The following HNRNPA1 variants were observed in gnomAD, a reference collection of about 807,000 sequenced individuals.
HNRNPA1 encodes the protein heterogeneous nuclear ribonucleoprotein A1.
HNRNPA1 carries 7 observed loss-of-function variants against 44.4 expected under a neutral mutation model. The observed-to-expected ratio is 0.16, with a 90% CI of 0.09 to 0.30. The LOEUF is 0.30. Among genes scored for constraint, HNRNPA1 ranks in the 10% least tolerant of loss-of-function variants. HNRNPA1 has a pLI of 1.00. For missense variants in HNRNPA1, 193 were observed against 465.8 expected (o/e 0.41, Z 5.39); for synonymous variants, 169 against 160.6 (o/e 1.05, Z -0.40).
At chr12:54,281,711 GTT>G in intron 2 of HNRNPA1, 82 bp from the exon 3 acceptor site, 4 of 1,403,490 alleles carry the variant, frequency 2.9e-6, no homozygotes, top group Non-Finnish European at 3.9e-6. Context: ...CTGGTGTAAA[GTT>G]TCCTATTGCC....
rs1484073020 is a variant in HNRNPA1, at chr12:54,286,932, A to C, written c.*2388A>C. The C allele has an allele frequency of 6.6e-6, 1 of 152,194 alleles. No homozygotes were observed. Among genetic ancestry groups the C allele is most frequent in the African/African-American group, 2.4e-5 (1 of 41,448 alleles). The allele number at this position is 152,194 out of a possible 1,614,324, so 9.4% of individuals were successfully genotyped here. On this transcript the variant is annotated 3_prime_UTR_variant, in exon 11 of 11. Transcript: ENST00000340913. ...ACCTCTGCTTATATGAATACTTTAC[A>C]ACCTCTTTTGCCTTTTGCAGGAACG...
Position 54,281,895 on chromosome 12 carries a change from A to G in HNRNPA1, c.233A>G (p.Lys78Arg). Residue 78 changes from lysine to arginine, a missense_variant, in exon 3 of 11, where the codon AAG becomes AGG. This residue lies in a region of HNRNPA1 where 57 missense variants were observed against 231.3 expected (regional missense o/e 0.25). Transcript: ENST00000340913. ...VDAAMNARPHKVDGRVVEPKR... is the reference protein window; with the variant it reads ...VDAAMNARPHRVDGRVVEPKR... ...GCAGCTATGAATGCAAGGCCACACA[A>G]GGTGGATGGAAGAGTTGTGGAACCA... 6.2e-7 allele frequency: 1 copy of G among 1,613,736 alleles called. No individual in the cohort carries two copies. Among genetic ancestry groups the G allele is most frequent in the Non-Finnish European group, 8.5e-7 (1 of 1,179,838 alleles).
intron 1 of HNRNPA1, 71 bp from the exon 2 acceptor site, chr12:54,281,315 T>C: frequency 1.2e-6 from 1 of 863,144 alleles, no homozygotes; most frequent in South Asian, 1.4e-5. Context: ...TGGTGTCTAG[T>C]TTTTCTTTTC....
chr12:54,281,204 G>A (rs1944159400), intron 1 of HNRNPA1, 182 bp from the exon 2 acceptor site: 4 of 701,418 alleles, frequency 5.7e-6, no homozygotes, highest in Non-Finnish European at 1.0e-5. Flanking sequence ...ATGCGCTTGC[G>A]ATTTCCTAGC....
chr12:54,283,377 C>A, intron 8 of HNRNPA1, 143 bp downstream of exon 8: 1 of 923,804 alleles, frequency 1.1e-6, no homozygotes, highest in Non-Finnish European at 1.6e-6. Flanking sequence ...CTCCTCCTAG[C>A]TTTAAGCTGG....
At chr12:54,282,779 A>T in intron 6 of HNRNPA1, 21 bp from the exon 7 acceptor site, 1 of 1,561,140 alleles carries the variant, frequency 6.4e-7, no homozygotes, top group Non-Finnish European at 8.7e-7. Flanking sequence ...CATACTTAAA[A>T]CTTGAAACTT....
In HNRNPA1 at chr12:54,281,807, C is replaced by G. The variant is rs566750529; in HGVS notation, c.145C>G (p.Pro49Ala). 6.2e-7 allele frequency: 1 copy of G among 1,611,576 alleles called. No individual in the cohort carries two copies. The highest frequency in any genetic ancestry group is 1.1e-5 in the South Asian group (1 of 90,824). ...ACACTGTTCTCAGGTAATGAGAGAT[C>G]CAAACACCAAGCGCTCCAGGGGCTT... ...TLTDCVVMRD[P>A]NTKRSRGFGF... The change falls in exon 3 of 11, where the codon CCA becomes GCA. Residue 49 changes from proline (P) to alanine (A), a missense_variant. Around this residue, in one of 2 missense-constraint regions of HNRNPA1, gnomAD observed 57 missense variants for 231.3 expected, o/e 0.25. Coordinates refer to ENST00000340913, the MANE Select transcript of HNRNPA1 (RefSeq NM_031157.4).
intron 2 of HNRNPA1, 142 bp from the exon 3 acceptor site, chr12:54,281,653 C>A (rs1485866406): frequency 5.8e-6 from 6 of 1,036,920 alleles, no homozygotes; most frequent in Non-Finnish European, 8.7e-6. Context: ...TTAAAAGCTA[C>A]CTCTTAAATC....
In HNRNPA1 at chr12:54,285,562, AT is replaced by A. The variant is rs1944251294; in HGVS notation, c.*1021del. ...TTCTATCAGTTAACTATACTAATTAATTTGGAGATTCAAACCATACCAATAG... is the reference window on the plus strand; with the variant it reads ...TTCTATCAGTTAACTATACTAATTAATTGGAGATTCAAACCATACCAATAG... On this transcript the variant is annotated 3_prime_UTR_variant, in exon 11 of 11. Coordinates refer to ENST00000340913, the MANE Select transcript of HNRNPA1 (RefSeq NM_031157.4). 6.6e-6 allele frequency: 1 copy of A among 152,168 alleles called. No individual in the cohort carries two copies. Among genetic ancestry groups the A allele is most frequent in the Non-Finnish European group, 1.5e-5 (1 of 68,036 alleles). 9.4% of individuals were successfully genotyped at this position (152,168 alleles called of 1,614,324 possible).
intron 8 of HNRNPA1, among the ~76,000 whole-genome samples, chr12:54,283,488 T>C (rs1944212819): frequency 6.6e-6 from 1 of 152,160 alleles, no homozygotes; most frequent in Admixed American, 6.6e-5. Context: ...TTTGGGACCT[T>C]AGGCGCTTAG....
Position 54,285,327 on chromosome 12 carries a change from G to A in HNRNPA1, c.*783G>A, listed in dbSNP as rs1452704298. The A allele has an allele frequency of 1.3e-5, 2 of 152,250 alleles. No individual in the cohort carries two copies. The highest frequency in any genetic ancestry group is 2.9e-5 in the Non-Finnish European group (2 of 68,062). The allele number at this position is 152,250 out of a possible 1,614,324, so 9.4% of individuals were successfully genotyped here. A position where few individuals can be genotyped will look rare whatever the true frequency, so the allele number is the denominator to read the frequency against. On this transcript the variant is annotated 3_prime_UTR_variant, in exon 11 of 11. Transcript: ENST00000340913. The stretch of plus-strand genomic sequence containing the variant: ...ACTCCCCCTGATAATAATGTTGAAT[G>A]CTTCTATCACAATTCAAGTTCAAAG...
At position 54,286,972 on chromosome 12, in the gene HNRNPA1, T is replaced by TTTATCTG. The variant is rs1193317642; in HGVS notation, c.*2429_*2435dup. On this transcript the variant is annotated 3_prime_UTR_variant, in exon 11 of 11. Transcript: ENST00000340913. ...TTGCAGGAACGTCCTTGTGAAGACC[T>TTTATCTG]TTATCTGAGCCACTGTACTTCGTTA... The TTTATCTG allele has an allele frequency of 6.6e-6, 1 of 152,222 alleles. No individual in the cohort carries two copies. The highest frequency in any genetic ancestry group is 2.4e-5 in the African/African-American group (1 of 41,450). The allele number at this position is 152,222 out of a possible 1,614,324, so 9.4% of individuals were successfully genotyped here.
intron 5 of HNRNPA1, 31 bp downstream of exon 5, chr12:54,282,517 G>C (rs1283778443): frequency 6.2e-7 from 1 of 1,609,138 alleles, no homozygotes; most frequent in African/African-American, 1.3e-5. Context: ...AACCTTAAAG[G>C]TAACTTTGAG....
In HNRNPA1 at chr12:54,280,804, C is replaced by A. The variant is rs770860607; in HGVS notation, c.-4C>A. ...TCGTTAAAGTCTCTCTTCACCCTGC[C>A]GTCATGTCTAAGTCAGAGGTGAGTT... On this transcript the variant is annotated 5_prime_UTR_variant, in exon 1 of 11. Coordinates refer to ENST00000340913, the MANE Select transcript of HNRNPA1 (RefSeq NM_031157.4). 6.2e-7 allele frequency: 1 copy of A among 1,614,158 alleles called. No individual in the cohort carries two copies. The highest frequency in any genetic ancestry group is 8.5e-7 in the Non-Finnish European group (1 of 1,180,024).
rs1054452746 is a variant in HNRNPA1 at position 54,282,379 on chromosome 12, A to G, written c.491-15A>G. The G allele has an allele frequency of 3.1e-6, 5 of 1,606,576 alleles. No individual in the cohort carries two copies. The highest frequency in any genetic ancestry group is 1.7e-4 in the Middle Eastern group (1 of 6,050). On this transcript the variant is annotated splice_polypyrimidine_tract_variant and intron_variant, in intron 4 of 10. Coordinates refer to ENST00000340913, the MANE Select transcript of HNRNPA1 (RefSeq NM_031157.4). ...TAAACCCTGATACCATGTTGTATCTATGTTTTTTTTTTAGTTCAGAAATAC... is the reference window on the plus strand; with the variant it reads ...TAAACCCTGATACCATGTTGTATCTGTGTTTTTTTTTTAGTTCAGAAATAC...
chr12:54,282,435 A>C lies in HNRNPA1; in HGVS notation c.532A>C (p.Arg178=), dbSNP rs1244059623. The part of the protein sequence containing the change: ...HTVNGHNCEV[R]KALSKQEMAS... ...TGTGAATGGCCACAACTGTGAAGTTAGAAAAGCCCTGTCAAAGCAAGAGAT... is the reference window on the plus strand; with the variant it reads ...TGTGAATGGCCACAACTGTGAAGTTCGAAAAGCCCTGTCAAAGCAAGAGAT... Residue 178 remains arginine (R), a synonymous_variant, in exon 5 of 11, where the codon AGA becomes CGA. Transcript: ENST00000340913. 1 of 1,613,722 alleles carries C rather than the reference A, an allele frequency of 6.2e-7. No homozygotes were observed. The highest frequency in any genetic ancestry group is 1.7e-5 in the Admixed American group (1 of 60,030).
At position 54,285,585 on chromosome 12, in the gene HNRNPA1, A is replaced by G. The variant is rs1944251664; in HGVS notation, c.*1041A>G. The G allele has an allele frequency of 6.6e-6, 1 of 152,210 alleles. No individual in the cohort carries two copies. The highest frequency in any genetic ancestry group is 1.5e-5 in the Non-Finnish European group (1 of 68,036). 9.4% of individuals were successfully genotyped at this position (152,210 alleles called of 1,614,324 possible). A position where few individuals can be genotyped will look rare whatever the true frequency, so the allele number is the denominator to read the frequency against. ...TAATTTGGAGATTCAAACCATACCAATAGAAACTAAATTTTTCTACATAAT... is the reference window on the plus strand; with the variant it reads ...TAATTTGGAGATTCAAACCATACCAGTAGAAACTAAATTTTTCTACATAAT... On this transcript the variant is annotated 3_prime_UTR_variant, in exon 11 of 11. Coordinates refer to ENST00000340913, the MANE Select transcript of HNRNPA1 (RefSeq NM_031157.4).
intron 1 of HNRNPA1, 103 bp from the exon 2 acceptor site, chr12:54,281,283 C>A: frequency 1.3e-6 from 1 of 745,516 alleles, no homozygotes; most frequent in Non-Finnish European, 2.4e-6. Flanking sequence ...CCTGAACGAA[C>A]AATAAGTGCT....
rs377310837 is a variant in HNRNPA1 at position 54,282,553 on chromosome 12, C to T, written c.584-20C>T. ...TTACTCCAGTATGAATGATTTAATGCTTAAACTTCATGTCTTAAGGTCGAA... is the reference window on the plus strand; with the variant it reads ...TTACTCCAGTATGAATGATTTAATGTTTAAACTTCATGTCTTAAGGTCGAA... On this transcript the variant is annotated intron_variant, in intron 5 of 10. Transcript: ENST00000340913. The T allele has an allele frequency of 4.3e-6, 7 of 1,612,212 alleles. No individual in the cohort carries two copies. In the African/African-American group the frequency reaches 9.4e-5, roughly 22 times the overall value.
Sources: gnomAD v4.1 joint callset for allele counts (sites outside exome capture counted in the v4.1 genomes callset) on GRCh38, gnomAD v4.1.1 for gene constraint, gnomAD v4.1.1 regional missense constraint, MANE v1.5 for transcripts, NCBI Gene and HGNC (gene_info 2026-07-23, HGNC 2026-07-21) for gene names.